Variants in TGFBR1 observed in about 807,000 individuals in gnomAD.
TGFBR1 encodes transforming growth factor beta receptor 1.
TGFBR1 carries 20 observed loss-of-function variants against 55.1 expected under a neutral mutation model. That is an observed-to-expected ratio of 0.36 (90% confidence interval 0.26 to 0.53). The LOEUF is 0.53. Ranked by LOEUF, TGFBR1 falls within the 20% of genes least tolerant of loss-of-function variation. The pLI is 0.91. For missense variants in TGFBR1, 385 were observed against 617.6 expected (o/e 0.62, Z 3.99); for synonymous variants, 220 against 214.8 (o/e 1.02, Z -0.21).
In TGFBR1 at chr9:99,146,626, T is replaced by TC. The variant is rs1289850446; in HGVS notation, c.1255+22dup. 2 of 1,613,702 alleles carry TC rather than the reference T, an allele frequency of 1.2e-6. No individual in the cohort carries two copies. Among genetic ancestry groups the TC allele is most frequent in the Admixed American group, 3.3e-5 (2 of 59,996 alleles). ...CCATTGGTGGTAAATTGCTCTCCTC[T>TC]CCCCCAGTAGTTTGTCATGAGCAGA... On this transcript the variant is annotated intron_variant, in intron 7 of 8. Coordinates refer to ENST00000374994, the MANE Select transcript of TGFBR1 (RefSeq NM_004612.4).
At chr9:99,129,890 CTCTG>C (rs1406195691) in intron 2 of TGFBR1, among the ~76,000 whole-genome samples, 1 of 151,708 alleles carries the variant, frequency 6.6e-6, no homozygotes, top group Non-Finnish European at 1.5e-5. Flanking sequence ...CAGAGTGAGG[CTCTG>C]TCTAAAAAAA....
At chr9:99,121,321 A>C (rs937529675) in intron 1 of TGFBR1, among the ~76,000 whole-genome samples, 1 of 152,194 alleles carries the variant, frequency 6.6e-6, no homozygotes, top group Non-Finnish European at 1.5e-5. Flanking sequence ...TTTGAGGAAC[A>C]AAACCTAGGA....
chr9:99,115,453 C>G (rs1030046691), intron 1 of TGFBR1, among the ~76,000 whole-genome samples: 7 of 152,110 alleles, frequency 4.6e-5, no homozygotes, highest in African/African-American at 1.7e-4. Context: ...AGGGAAAAGG[C>G]AAAAACGAAT....
chr9:99,108,222 C>T lies in TGFBR1; in HGVS notation c.97+2920C>T, dbSNP rs141810225. 4.2e-3 allele frequency among the ~76,000 whole-genome samples: 635 copies of T among 152,248 alleles called. 2 individuals carry two copies. The highest frequency in any genetic ancestry group is 5.0e-3 in the Non-Finnish European group (343 of 68,030). ...TAAATAATCAGGAAAAGTTGTATGGCGTGTTGAAAGCAATTGGTTATTTGT... is the reference window on the plus strand; with the variant it reads ...TAAATAATCAGGAAAAGTTGTATGGTGTGTTGAAAGCAATTGGTTATTTGT... On this transcript the variant is annotated intron_variant, in intron 1 of 8. Transcript: ENST00000374994.
chr9:99,140,804 C>A (rs1162558750), intron 4 of TGFBR1, among the ~76,000 whole-genome samples: 1 of 152,212 alleles, frequency 6.6e-6, no homozygotes, highest in Non-Finnish European at 1.5e-5. Flanking sequence ...TTAAACCTCA[C>A]CCAGGGTCTG....
chr9:99,142,419 A>T, intron 4 of TGFBR1, 117 bp from the exon 5 acceptor site: 1 of 1,072,584 alleles, frequency 9.3e-7, no homozygotes, highest in Non-Finnish European at 1.4e-6. Flanking sequence ...ATACAGACTT[A>T]AGGTGGCATT....
rs1424817002 is a variant in TGFBR1, at chr9:99,148,842, A to G, written c.1387-338A>G. Among the ~76,000 whole-genome samples the G allele has an allele frequency of 2.0e-5, 3 of 148,888 alleles. No homozygotes were observed. The East Asian group carries it at 5.8e-4, about 29-fold the overall frequency. On this transcript the variant is annotated intron_variant, in intron 8 of 8. Coordinates refer to ENST00000374994, the MANE Select transcript of TGFBR1 (RefSeq NM_004612.4). ...GTGAGACCCTGTCTCAAAAAAAAAA[A>G]AAAGAAAGAAAAATTTGATGTGAAT...
In TGFBR1 at chr9:99,134,802, T is replaced by TTTTATATATATATATA. The variant is rs1554700023; in HGVS notation, c.574+2064_574+2065insTTATATATATATATAT. Among the ~76,000 whole-genome samples the TTTTATATATATATATA allele has an allele frequency of 2.0e-3, 83 of 41,358 alleles. 8 individuals carry two copies. Among genetic ancestry groups the TTTTATATATATATATA allele is most frequent in the Non-Finnish European group, 2.6e-3 (62 of 23,696 alleles). The allele number at this position is 41,358 out of a possible 152,430, so 27.1% of individuals were successfully genotyped here. On this transcript the variant is annotated intron_variant, in intron 3 of 8. Coordinates refer to ENST00000374994, the MANE Select transcript of TGFBR1 (RefSeq NM_004612.4). ...AAACAATGGAATAATTCTGTTTCCA[T>TTTTATATATATATATA]TATATATATATATATATATATATAT... is the stretch of plus-strand genomic sequence containing the variant.
chr9:99,141,679 A>T (rs190781907), intron 4 of TGFBR1, among the ~76,000 whole-genome samples: 4 of 152,282 alleles, frequency 2.6e-5, no homozygotes, highest in Non-Finnish European at 5.9e-5. Context: ...TAATGTTGTA[A>T]TGCTTTTTTT....
intron 1 of TGFBR1, among the ~76,000 whole-genome samples, chr9:99,123,831 A>G (rs1417924492): frequency 6.6e-6 from 1 of 152,188 alleles, no homozygotes; most frequent in East Asian, 1.9e-4. Context: ...TAAAAACCAC[A>G]TTGGCACAAT....
intron 1 of TGFBR1, among the ~76,000 whole-genome samples, chr9:99,127,343 T>A (rs984928292): frequency 6.6e-6 from 1 of 152,164 alleles, no homozygotes; most frequent in Non-Finnish European, 1.5e-5. Context: ...GCTTGCAGCA[T>A]CTGCATGACA....
chr9:99,120,205 A>G (rs1024264675), intron 1 of TGFBR1, among the ~76,000 whole-genome samples: 3 of 152,214 alleles, frequency 2.0e-5, no homozygotes, highest in Non-Finnish European at 1.5e-5. Context: ...ACTGGCAAAG[A>G]TAGGATTTTA....
At chr9:99,136,610 CACAA>C (rs1160116640) in intron 3 of TGFBR1, among the ~76,000 whole-genome samples, 1 of 152,122 alleles carries the variant, frequency 6.6e-6, no homozygotes, top group African/African-American at 2.4e-5. Context: ...TCCTTATAAA[CACAA>C]ACAGTTATTT....
rs560861871 is a variant in TGFBR1, at chr9:99,144,939, C to G, written c.1130+51C>G. The G allele has an allele frequency of 2.5e-6, 4 of 1,592,528 alleles. No individual in the cohort carries two copies. The South Asian group carries it at 4.4e-5, about 18-fold the overall frequency. On this transcript the variant is annotated intron_variant, in intron 6 of 8. Transcript: ENST00000374994. ...ATATCTTCTGAAATCACCTTTTTTC[C>G]CTTCTCTTTCATATATACATATCAT...
At chr9:99,105,092 G>T, upstream of TGFBR1, 1 of 847,874 alleles carries the variant, frequency 1.2e-6, no homozygotes, top group Non-Finnish European at 1.4e-6. Context: ...CAGTTACAAA[G>T]GGCCGGAGCG....
Position 99,152,419 on chromosome 9 carries a change from A to G in TGFBR1, c.*3114A>G, listed in dbSNP as rs2118900798. The G allele has an allele frequency of 4.4e-6, 1 of 228,192 alleles. No individual in the cohort carries two copies. Among genetic ancestry groups the G allele is most frequent in the East Asian group, 6.2e-5 (1 of 16,058 alleles). The allele number at this position is 228,192 out of a possible 1,614,324, so 14.1% of individuals were successfully genotyped here. A position where few individuals can be genotyped will look rare whatever the true frequency, so the allele number is the denominator to read the frequency against. ...CCTGTAATTCTGCTGTAATAATGAT[A>G]GTGCTCAAGAAGTGCCTTGAGTTGG... On this transcript the variant is annotated 3_prime_UTR_variant, in exon 9 of 9. Transcript: ENST00000374994.
At position 99,151,340 on chromosome 9, in the gene TGFBR1, TTAA is replaced by T. The variant is rs1827972465; in HGVS notation, c.*2043_*2045del. The T allele has an allele frequency of 8.6e-6, 2 of 231,674 alleles. No homozygotes were observed. The highest frequency in any genetic ancestry group is 2.2e-5 in the African/African-American group (1 of 45,266). 14.4% of individuals were successfully genotyped at this position (231,674 alleles called of 1,614,324 possible). A position where few individuals can be genotyped will look rare whatever the true frequency, so the allele number is the denominator to read the frequency against. The stretch of plus-strand genomic sequence containing the variant: ...TTTATAGTTGTGTTGTATTACTTGT[TTAA>T]TAATAATCTCTAATTCTGTGATCAG... On this transcript the variant is annotated 3_prime_UTR_variant, in exon 9 of 9. Transcript: ENST00000374994.
chr9:99,116,473 AATCTTAT>A (rs1247167361), intron 1 of TGFBR1, among the ~76,000 whole-genome samples: 6 of 152,334 alleles, frequency 3.9e-5, no homozygotes, highest in African/African-American at 1.4e-4. Context: ...GAAAAAGGAA[AATCTTAT>A]GGAAGAAATG....
At chr9:99,123,901 A>G (rs1273822484) in intron 1 of TGFBR1, among the ~76,000 whole-genome samples, 1 of 152,226 alleles carries the variant, frequency 6.6e-6, no homozygotes, top group African/African-American at 2.4e-5. Flanking sequence ...TCGTTTCCAA[A>G]TGTGTTAATA....
Sources: gnomAD v4.1 joint callset for allele counts (sites outside exome capture counted in the v4.1 genomes callset) on GRCh38, gnomAD v4.1.1 for gene constraint, MANE v1.5 for transcripts, NCBI Gene and HGNC (gene_info 2026-07-23, HGNC 2026-07-21) for gene names.